MMP8: variants seen among roughly 807,000 people sequenced by gnomAD.
MMP8 encodes the protein neutrophil collagenase.
A neutral mutation model predicts 51.2 loss-of-function variants in MMP8; 67 were observed. The ratio of observed to expected loss-of-function variants is 1.31; its 90% confidence interval spans 1.08 to 1.60. The LOEUF (loss-of-function observed/expected upper bound fraction) is 1.60, where lower values mean the gene tolerates loss of function less well. Ranked by LOEUF, MMP8 falls within the 40% of genes most tolerant of loss-of-function variation. MMP8 has a pLI of 0.00. For synonymous variants in MMP8, 225 were observed against 191.0 expected (o/e 1.18, Z -1.47); for missense variants, 654 against 558.1 (o/e 1.17, Z -1.73).
In MMP8 at chr11:102,712,578, G is replaced by T. The variant is rs1861156614; in HGVS notation, c.*770C>A. 6.6e-6 allele frequency: 1 copy of T among 152,204 alleles called. No individual in the cohort carries two copies. Among genetic ancestry groups the T allele is most frequent in the Admixed American group, 6.5e-5 (1 of 15,276 alleles). 9.4% of individuals were successfully genotyped at this position (152,204 alleles called of 1,614,324 possible). On this transcript the variant is annotated 3_prime_UTR_variant, in exon 10 of 10. Transcript: ENST00000236826. Reference sequence around the variant, plus strand: ...TGCCTCTTCAAAGCTTCTACTGGTGGCTTACAGTCCTTGGAATTCCTTGGC... The same window carrying T: ...TGCCTCTTCAAAGCTTCTACTGGTGTCTTACAGTCCTTGGAATTCCTTGGC...
chr11:102,716,238 T>C lies in MMP8; in HGVS notation c.902+64A>G, dbSNP rs537021322. ...AAAGGTGACTAACGTGTGACTTAAT[T>C]TGAATCCAGTTTTAAGGTATGTCAG... On this transcript the variant is annotated intron_variant, in intron 6 of 9. Coordinates refer to ENST00000236826, the MANE Select transcript of MMP8 (RefSeq NM_002424.3). The C allele has an allele frequency of 1.6e-4, 184 of 1,178,328 alleles. 3 individuals are homozygous for C. In the South Asian group the frequency reaches 2.4e-3, roughly 16 times the overall value. The allele number at this position is 1,178,328 out of a possible 1,614,324, so 73.0% of individuals were successfully genotyped here.
rs776315921 is a variant in MMP8, at chr11:102,712,475, G to A, written c.*873C>T. 2 of 152,224 alleles carry A rather than the reference G, an allele frequency of 1.3e-5. No homozygotes were observed. The highest frequency in any genetic ancestry group is 2.4e-5 in the African/African-American group (1 of 41,440). The allele number at this position is 152,224 out of a possible 1,614,324, so 9.4% of individuals were successfully genotyped here. A position where few individuals can be genotyped will look rare whatever the true frequency, so the allele number is the denominator to read the frequency against. On this transcript the variant is annotated 3_prime_UTR_variant, in exon 10 of 10. Coordinates refer to ENST00000236826, the MANE Select transcript of MMP8 (RefSeq NM_002424.3). Reference sequence around the variant, plus strand: ...AAACAAAGGAAATTTATTCCCTCACGGTTTTGGAGGATAGAAGTCCGAATT... The same window carrying A: ...AAACAAAGGAAATTTATTCCCTCACAGTTTTGGAGGATAGAAGTCCGAATT...
Position 102,712,031 on chromosome 11 carries a change from C to T in MMP8, c.*1317G>A, listed in dbSNP as rs1470111048. ...TTATAATGATTTTGATATCTGGACT[C>T]GCTAGACTTGGTCCCATAAATCCTA... is the stretch of plus-strand genomic sequence containing the variant. On this transcript the variant is annotated 3_prime_UTR_variant, in exon 10 of 10. Coordinates refer to ENST00000236826, the MANE Select transcript of MMP8 (RefSeq NM_002424.3). 1.3e-5 allele frequency: 2 copies of T among 152,098 alleles called. No homozygotes were observed. Among genetic ancestry groups the T allele is most frequent in the Non-Finnish European group, 2.9e-5 (2 of 67,994 alleles). The allele number at this position is 152,098 out of a possible 1,614,324, so 9.4% of individuals were successfully genotyped here.
chr11:102,713,770 T>C lies in MMP8; in HGVS notation c.1278A>G (p.Ala426=). The change falls in exon 9 of 10, where the codon GCA becomes GCG. Residue 426 remains alanine, a synonymous_variant. Transcript: ENST00000236826. ...CCTACTTACGTTCTTGCTGGAAAAC[T>C]GCATCAACTTTACTCTCTATTCCTG... The part of the protein sequence containing the change: ...AFPGIESKVD[A]VFQQEHFFHV... 1.9e-6 allele frequency: 3 copies of C among 1,604,664 alleles called. No individual in the cohort carries two copies. The highest frequency in any genetic ancestry group is 2.5e-6 in the Non-Finnish European group (3 of 1,176,788).
intron 6 of MMP8, among the ~76,000 whole-genome samples, chr11:102,715,662 T>C (rs376379214): frequency 6.6e-6 from 1 of 152,142 alleles, no homozygotes; most frequent in African/African-American, 2.4e-5. Context: ...GTTATGGGAG[T>C]GATCTTATTT....
At chr11:102,719,447 A>G (rs1001329629) in intron 4 of MMP8, among the ~76,000 whole-genome samples, 1 of 149,354 alleles carries the variant, frequency 6.7e-6, no homozygotes, top group Non-Finnish European at 1.5e-5. Flanking sequence ...ATCTAATGTT[A>G]TGCAATCCTC....
At chr11:102,713,660 G>GT in intron 9 of MMP8, 94 bp downstream of exon 9, 1 of 1,176,622 alleles carries the variant, frequency 8.5e-7, no homozygotes, top group Non-Finnish European at 1.2e-6. Context: ...GAGGCCAGGA[G>GT]TTTGACACTA....
rs764807676 is a variant in MMP8 at position 102,721,758 on chromosome 11, G to A, written c.352C>T (p.Arg118Ter). Reference sequence around the variant, plus strand: ...TCTGACAGCTGTGGGGTATAGTTTCGAATCCTTCAAAATGAGAGGATGTAT... The same window carrying A: ...TCTGACAGCTGTGGGGTATAGTTTCAAATCCTTCAAAATGAGAGGATGTAT... ...WERTNLTYRIRNYTPQLSEAE... is the reference protein window; with the variant it reads ...WERTNLTYRI Residue 118 changes from arginine to a stop codon, truncating the protein, a stop_gained, in exon 3 of 10, where the codon CGA (arginine) becomes TGA (stop). Coordinates refer to ENST00000236826, the MANE Select transcript of MMP8 (RefSeq NM_002424.3). LOFTEE classifies it high-confidence loss of function. The A allele has an allele frequency of 1.3e-5, 21 of 1,613,254 alleles. No individual in the cohort carries two copies. Among genetic ancestry groups the A allele is most frequent in the Admixed American group, 1.0e-4 (6 of 59,880 alleles).
rs2134305384 is a variant in MMP8 at position 102,718,531 on chromosome 11, A to G, written c.667T>C (p.Leu223=). ...LVAAHEFGHS[L]GLAHSSDPGA... ...GGGTCAGAGGAGTGAGCGAGCCCCA[A>G]AGAATGGCCAAATTCATGAGCAGCA... is the stretch of plus-strand genomic sequence containing the variant. The change falls in exon 5 of 10, where the codon TTG becomes CTG. Residue 223 remains leucine, a synonymous_variant. Transcript: ENST00000236826. 1 of 1,613,934 alleles carries G rather than the reference A, an allele frequency of 6.2e-7. No individual in the cohort carries two copies. Among genetic ancestry groups the G allele is most frequent in the Non-Finnish European group, 8.5e-7 (1 of 1,179,888 alleles).
chr11:102,718,320 G>A, intron 5 of MMP8, 94 bp downstream of exon 5: 1 of 1,301,322 alleles, frequency 7.7e-7, no homozygotes, highest in South Asian at 1.4e-5. Flanking sequence ...TATGGAAACT[G>A]CAGAAGTGCA....
Position 102,715,392 on chromosome 11 carries a change from A to G in MMP8, c.948T>C (p.Asn316=). The part of the protein sequence containing the change: ...RHPQLQRVEM[N]FISLFWPSLP... ...GGGATGGCCAGAATAGAGAAATAAA[A>G]TTCATTTCGACTCTTTGTAGCTGAG... The change falls in exon 7 of 10, where the codon AAT becomes AAC. Residue 316 remains asparagine, a synonymous_variant. Transcript: ENST00000236826. 1 of 1,613,746 alleles carries G rather than the reference A, an allele frequency of 6.2e-7. No individual in the cohort carries two copies. The highest frequency in any genetic ancestry group is 8.5e-7 in the Non-Finnish European group (1 of 1,179,782).
chr11:102,721,620 G>T lies in MMP8; in HGVS notation c.490C>A (p.Gln164Lys). 2.5e-6 allele frequency: 4 copies of T among 1,613,734 alleles called. No individual in the cohort carries two copies. Among genetic ancestry groups the T allele is most frequent in the Non-Finnish European group, 3.4e-6 (4 of 1,179,782 alleles). The change falls in exon 3 of 10, where the codon CAA (glutamine) becomes AAA (lysine). Residue 164 changes from glutamine to lysine, a missense_variant. Gln to Lys is a moderately conservative substitution (Grantham distance 53). Transcript: ENST00000236826. ...ATGACTGCTTTGTACCTACCTCTTTGGTAAAAAGCAATGTTGATATCTGCC... is the reference window on the plus strand; with the variant it reads ...ATGACTGCTTTGTACCTACCTCTTTTGTAAAAAGCAATGTTGATATCTGCC... Reference protein sequence around the residue: ...GEADINIAFYQRDHGDNSPFD... With the variant: ...GEADINIAFYKRDHGDNSPFD...
rs1861177901 is a variant in MMP8 at position 102,713,277 on chromosome 11, A to G, written c.*71T>C. On this transcript the variant is annotated 3_prime_UTR_variant, in exon 10 of 10. Coordinates refer to ENST00000236826, the MANE Select transcript of MMP8 (RefSeq NM_002424.3). ...TTGAGAAAAGTATAAGCAGGACACA[A>G]TGTAACGAAAATGCTTGCTGAACTT... is the stretch of plus-strand genomic sequence containing the variant. 3.9e-6 allele frequency: 4 copies of G among 1,016,462 alleles called. No individual in the cohort carries two copies. Among genetic ancestry groups the G allele is most frequent in the South Asian group, 1.3e-5 (1 of 78,124 alleles). The allele number at this position is 1,016,462 out of a possible 1,614,324, so 63.0% of individuals were successfully genotyped here.
At chr11:102,720,067 AG>A (rs1861423604) in intron 4 of MMP8, among the ~76,000 whole-genome samples, 1 of 152,196 alleles carries the variant, frequency 6.6e-6, no homozygotes, top group African/African-American at 2.4e-5. Flanking sequence ...GGTGTGACCT[AG>A]AAACAGTGAA....
chr11:102,720,597 T>C (rs1861439992), intron 4 of MMP8, among the ~76,000 whole-genome samples: 1 of 152,226 alleles, frequency 6.6e-6, no homozygotes, highest in Admixed American at 6.5e-5. Context: ...TTACCCCATA[T>C]TTTGTGAAGT....
rs369551455 is a variant in MMP8 at position 102,713,900 on chromosome 11, A to T, written c.1191-43T>A. 28 of 1,468,030 alleles carry T rather than the reference A, an allele frequency of 1.9e-5. No individual in the cohort carries two copies. The African/African-American group carries it at 3.9e-4, about 20-fold the overall frequency. The allele number at this position is 1,468,030 out of a possible 1,614,324, so 90.9% of individuals were successfully genotyped here. On this transcript the variant is annotated intron_variant, in intron 8 of 9. Transcript: ENST00000236826. Reference sequence around the variant, plus strand: ...TTATCCGATTTAACACCAATACAGAATATAACGAAAAAAATTTTTTTTATT... The same window carrying T: ...TTATCCGATTTAACACCAATACAGATTATAACGAAAAAAATTTTTTTTATT...
chr11:102,713,325 A>G lies in MMP8; in HGVS notation c.*23T>C. 6.6e-7 allele frequency: 1 copy of G among 1,518,602 alleles called. No homozygotes were observed. The highest frequency in any genetic ancestry group is 1.1e-5 in the South Asian group (1 of 89,068). The allele number at this position is 1,518,602 out of a possible 1,614,324, so 94.1% of individuals were successfully genotyped here. A position where few individuals can be genotyped will look rare whatever the true frequency, so the allele number is the denominator to read the frequency against. ...CTTCCCTTCAACATTCTGAAAGTGG[A>G]TACAGCCACATTTGATTTTGCTTCA... is the stretch of plus-strand genomic sequence containing the variant. On this transcript the variant is annotated 3_prime_UTR_variant, in exon 10 of 10. Transcript: ENST00000236826.
At chr11:102,716,992 G>A (rs186039639) in intron 5 of MMP8, among the ~76,000 whole-genome samples, 29 of 152,296 alleles carry the variant, frequency 1.9e-4, no homozygotes, top group African/African-American at 6.3e-4. Flanking sequence ...TTGGGGAATA[G>A]AGGCAGTTAG....
intron 4 of MMP8, among the ~76,000 whole-genome samples, chr11:102,719,488 AT>A (rs377033415): frequency 1.1e-3 from 160 of 152,292 alleles, no homozygotes; most frequent in African/African-American, 3.6e-3. Context: ...TATTAACAAT[AT>A]TTTTATAGTA....
Sources: gnomAD v4.1 joint callset for allele counts (sites outside exome capture counted in the v4.1 genomes callset) on GRCh38, gnomAD v4.1.1 for gene constraint, MANE v1.5 for transcripts, NCBI Gene and HGNC (gene_info 2026-07-23, HGNC 2026-07-21) for gene names.